Variants in FRAS1 observed in about 807,000 individuals in gnomAD.
The protein encoded by FRAS1 is extracellular matrix organizing protein FRAS1.
In FRAS1, 290 loss-of-function variants were observed where a neutral mutation model predicts 435.2. The observed-to-expected ratio is 0.67, with a 90% CI of 0.61 to 0.73. FRAS1 has a LOEUF of 0.73. Among genes scored for constraint, FRAS1 ranks in the 30% least tolerant of loss-of-function variants. The probability of loss-of-function intolerance (pLI) is 0.00; values close to 1 mark genes in which losing one functional copy is unlikely to be tolerated. For missense variants in FRAS1, 4,860 were observed against 5,001.5 expected (o/e 0.97, Z 0.85); for synonymous variants, 1,800 against 1,851.0 (o/e 0.97, Z 0.71).
intron 2 of FRAS1, among the ~76,000 whole-genome samples, chr4:78,118,951 A>T (rs944942109): frequency 6.6e-6 from 1 of 152,218 alleles, no homozygotes; most frequent in Non-Finnish European, 1.5e-5. Flanking sequence ...CTATTCAGCC[A>T]TCTTGGCTCC....
chr4:78,526,614 C>A lies in FRAS1; in HGVS notation c.10882C>A (p.Pro3628Thr). 1.3e-6 allele frequency: 2 copies of A among 1,598,896 alleles called. No individual in the cohort carries two copies. The highest frequency in any genetic ancestry group is 1.1e-5 in the South Asian group (1 of 87,298). Reference sequence around the variant, plus strand: ...GCAGCCCACACAGCCATGGGTTGACCCAGGAGAGAAGCCTTTGGCCTGCAC... The same window carrying A: ...GCAGCCCACACAGCCATGGGTTGACACAGGAGAGAAGCCTTTGGCCTGCAC... ...TVQPTQPWVD[P>T]GEKPLACTAH... is the part of the protein sequence containing the mutation. Residue 3628 changes from proline (P) to threonine (T), a missense_variant, in exon 70 of 74, where the codon CCA becomes ACA. Pro to Thr is a conservative substitution (Grantham distance 38). Coordinates refer to ENST00000512123, the MANE Select transcript of FRAS1 (RefSeq NM_025074.7).
In FRAS1 at chr4:78,540,886, GGAA is replaced by G. The variant is rs1722028382; in HGVS notation, c.11809_11811del (p.Lys3937del). ...ATCAACAGGAAATGCCAGAAACAGA[GGAA>G]GAAGAAGCCCGCAGAGGACATTTTG... On this transcript the variant is annotated inframe_deletion, in exon 74 of 74. Coordinates refer to ENST00000512123, the MANE Select transcript of FRAS1 (RefSeq NM_025074.7). 1 of 1,613,988 alleles carries G rather than the reference GGAA, an allele frequency of 6.2e-7. No individual in the cohort carries two copies. The highest frequency in any genetic ancestry group is 8.5e-7 in the Non-Finnish European group (1 of 1,179,904).
intron 2 of FRAS1, chr4:78,182,193 T>G: frequency 1.6e-6 from 1 of 642,654 alleles, no homozygotes; most frequent in Non-Finnish European, 2.6e-6. Context: ...GAATTATATT[T>G]GTAAGAAATG....
rs141604944 is a variant in FRAS1 at position 78,358,047 on chromosome 4, G to T, written c.2423-5466G>T. ...GGTCCAATGGGGGATGGTGACAGTG[G>T]ATGAGGAAGGAACTCACTGATTGAC... On this transcript the variant is annotated intron_variant, in intron 20 of 73. Coordinates refer to ENST00000512123, the MANE Select transcript of FRAS1 (RefSeq NM_025074.7). Among the ~76,000 whole-genome samples the T allele has an allele frequency of 2.8e-3, 422 of 152,234 alleles. 2 individuals carry two copies. The highest frequency in any genetic ancestry group is 9.9e-3 in the African/African-American group (410 of 41,526).
chr4:78,511,315 T>C lies in FRAS1; in HGVS notation c.9822T>C (p.Arg3274=), dbSNP rs767837051. ...SIYFSRRFHV[R]CVAKAVDKVG... is the part of the protein sequence containing the mutation. ...ACTTCAGCCGGAGGTTCCATGTGCG[T>C]TGTGTGGCCAAGGCTGTGGACAAGG... The change falls in exon 64 of 74, where the codon CGT becomes CGC. Residue 3274 remains arginine (R), a synonymous_variant. Coordinates refer to ENST00000512123, the MANE Select transcript of FRAS1 (RefSeq NM_025074.7). 1 of 1,609,980 alleles carries C rather than the reference T, an allele frequency of 6.2e-7. No homozygotes were observed. Among genetic ancestry groups the C allele is most frequent in the Non-Finnish European group, 8.5e-7 (1 of 1,176,672 alleles).
At position 78,466,196 on chromosome 4, in the gene FRAS1, C is replaced by T; in HGVS notation, c.7030-12C>T. 1.2e-6 allele frequency: 2 copies of T among 1,610,874 alleles called. No individual in the cohort carries two copies. Among genetic ancestry groups the T allele is most frequent in the Non-Finnish European group, 1.7e-6 (2 of 1,177,398 alleles). ...AGCTTCCCTCCCCTCTGGTATTTTG[C>T]CTTCCGGACAGGCCGAGTCTGTCAC... On this transcript the variant is annotated splice_polypyrimidine_tract_variant and intron_variant, in intron 49 of 73. Transcript: ENST00000512123.
chr4:78,230,116 T>G (rs529374588), intron 2 of FRAS1, among the ~76,000 whole-genome samples: 1 of 152,366 alleles, frequency 6.6e-6, no homozygotes, highest in South Asian at 2.1e-4. Context: ...CTCTTATAGC[T>G]ATGTCTTCAG....
rs142855619 is a variant in FRAS1 at position 78,328,826 on chromosome 4, A to T, written c.2138-4446A>T. 9.2e-3 allele frequency among the ~76,000 whole-genome samples: 1,406 copies of T among 152,302 alleles called. 13 individuals carry two copies. The highest frequency in any genetic ancestry group is 0.015 in the Non-Finnish European group (993 of 68,010). On this transcript the variant is annotated intron_variant, in intron 18 of 73. Transcript: ENST00000512123. Reference sequence around the variant, plus strand: ...ATAATTGCTCCTCTGGCTGAAGGGAATGCCTGGAGGCTACTTATTTTATTT... The same window carrying T: ...ATAATTGCTCCTCTGGCTGAAGGGATTGCCTGGAGGCTACTTATTTTATTT...
intron 61 of FRAS1, among the ~76,000 whole-genome samples, chr4:78,503,603 A>G (rs1428019238): frequency 1.3e-5 from 2 of 151,380 alleles, no homozygotes; most frequent in Non-Finnish European, 2.9e-5. Flanking sequence ...TTCTCCTCTC[A>G]TTTCTTCTTT....
intron 2 of FRAS1, among the ~76,000 whole-genome samples, chr4:78,212,712 A>G (rs1028187452): frequency 2.0e-5 from 3 of 152,234 alleles, no homozygotes; most frequent in Admixed American, 1.3e-4. Context: ...GCACCTAATG[A>G]GTACTTGAAT....
chr4:78,401,028 A>T lies in FRAS1; in HGVS notation c.4129+141A>T, dbSNP rs1424101931. 4.2e-6 allele frequency: 3 copies of T among 712,408 alleles called. No individual in the cohort carries two copies. In the South Asian group the frequency reaches 7.3e-5, roughly 17 times the overall value. The allele number at this position is 712,408 out of a possible 1,614,324, so 44.1% of individuals were successfully genotyped here. ...CTTACAAATCCCCTTTAAAAACAGA[A>T]TAATCATGATAGCTATCACACTCAA... On this transcript the variant is annotated intron_variant, in intron 30 of 73. Coordinates refer to ENST00000512123, the MANE Select transcript of FRAS1 (RefSeq NM_025074.7).
At position 78,387,714 on chromosome 4, in the gene FRAS1, C is replaced by A. The variant is rs1455898012; in HGVS notation, c.3975+13C>A. On this transcript the variant is annotated intron_variant, in intron 29 of 73. Transcript: ENST00000512123. ...GACCGTGCCTCAGGTAGGTGTCATT[C>A]CTAGAGTTACAGTTTCTTTGCACCT... 6 of 1,474,974 alleles carry A rather than the reference C, an allele frequency of 4.1e-6. No homozygotes were observed. The highest frequency in any genetic ancestry group is 1.4e-5 in the African/African-American group (1 of 71,214). 91.4% of individuals were successfully genotyped at this position (1,474,974 alleles called of 1,614,324 possible).
chr4:78,407,670 G>T lies in FRAS1; in HGVS notation c.4137G>T (p.Val1379=). ...ITQDYPQFGE[V]VLLVNMPADS... ...TGGCCTGTGCCTTCCTAGGGGAGGTGGTCCTTCTAGTGAATATGCCTGCAG... is the reference window on the plus strand; with the variant it reads ...TGGCCTGTGCCTTCCTAGGGGAGGTTGTCCTTCTAGTGAATATGCCTGCAG... The change falls in exon 31 of 74, where the codon GTG becomes GTT. Residue 1379 remains valine (V), a synonymous_variant. Coordinates refer to ENST00000512123, the MANE Select transcript of FRAS1 (RefSeq NM_025074.7). 6.2e-7 allele frequency: 1 copy of T among 1,611,280 alleles called. No individual in the cohort carries two copies. Among genetic ancestry groups the T allele is most frequent in the Non-Finnish European group, 8.5e-7 (1 of 1,178,702 alleles).
At chr4:78,163,883 G>A (rs1328141133) in intron 2 of FRAS1, among the ~76,000 whole-genome samples, 1 of 152,170 alleles carries the variant, frequency 6.6e-6, no homozygotes, top group African/African-American at 2.4e-5. Flanking sequence ...TCAGTGCAGG[G>A]ACATGAAAGG....
At chr4:78,267,123 G>T (rs1369784578) in intron 8 of FRAS1, 118 bp from the exon 9 acceptor site, 1 of 1,081,396 alleles carries the variant, frequency 9.2e-7, no homozygotes, top group Non-Finnish European at 1.4e-6. Context: ...CCCATCGTGG[G>T]TCGGGCCAGA....
chr4:78,220,756 G>A (rs1379296153), intron 2 of FRAS1, among the ~76,000 whole-genome samples: 2 of 152,094 alleles, frequency 1.3e-5, no homozygotes, highest in African/African-American at 4.8e-5. Flanking sequence ...TCTCTCTCTA[G>A]CCATTTTATT....
chr4:78,216,343 A>G (rs1723768576), intron 2 of FRAS1, among the ~76,000 whole-genome samples: 1 of 152,238 alleles, frequency 6.6e-6, no homozygotes, highest in Admixed American at 6.5e-5. Context: ...TTTGGTCAAG[A>G]TGCACAACCC....
chr4:78,234,373 C>T (rs553258612), intron 2 of FRAS1, among the ~76,000 whole-genome samples: 2 of 152,206 alleles, frequency 1.3e-5, no homozygotes, highest in South Asian at 2.1e-4. Flanking sequence ...CTACAGGCAC[C>T]CGCCACTGCG....
chr4:78,113,535 T>A (rs1742890882), intron 2 of FRAS1, among the ~76,000 whole-genome samples: 1 of 152,206 alleles, frequency 6.6e-6, no homozygotes, highest in African/African-American at 2.4e-5. Flanking sequence ...TGGTGTGAGA[T>A]GGTATCTCAT....
Sources: allele counts gnomAD v4.1 joint callset (sites outside exome capture counted in the v4.1 genomes callset), GRCh38; gene constraint gnomAD v4.1.1; transcripts MANE v1.5; gene names NCBI Gene and HGNC (gene_info 2026-07-23, HGNC 2026-07-21).